Variants in DLC1 observed in about 807,000 individuals in gnomAD.
DLC1 encodes the protein DLC1 Rho GTPase activating protein.
DLC1 carries 54 observed loss-of-function variants against 140.3 expected under a neutral mutation model. The observed-to-expected ratio is 0.38, with a 90% CI of 0.31 to 0.48. The LOEUF is 0.48. Ranked by LOEUF, DLC1 falls within the 20% of genes least tolerant of loss-of-function variation. The probability of loss-of-function intolerance (pLI) is 0.96; values close to 1 mark genes in which losing one functional copy is unlikely to be tolerated. For synonymous variants in DLC1, 986 were observed against 728.1 expected (o/e 1.35, Z -5.70); for missense variants, 2,536 against 1,907.0 (o/e 1.33, Z -6.14).
intron 5 of DLC1, among the ~76,000 whole-genome samples, chr8:13,155,898 T>G (rs1824215045): frequency 6.6e-6 from 1 of 152,168 alleles, no homozygotes; most frequent in Admixed American, 6.5e-5. Context: ...TTTATAAGAG[T>G]GAAATATTTT....
intron 4 of DLC1, among the ~76,000 whole-genome samples, chr8:13,330,647 T>A (rs1046788127): frequency 3.3e-5 from 5 of 152,214 alleles, no homozygotes; most frequent in African/African-American, 1.2e-4. Context: ...GGTCTCTGCA[T>A]CATGTTTCAA....
chr8:13,437,298 C>T (rs1269250484), intron 2 of DLC1, among the ~76,000 whole-genome samples: 2 of 152,204 alleles, frequency 1.3e-5, no homozygotes, highest in Admixed American at 1.3e-4. Flanking sequence ...GCCTGATTTT[C>T]ACTAGACATG....
At chr8:13,199,105 C>G (rs1164143561) in intron 5 of DLC1, among the ~76,000 whole-genome samples, 1 of 151,552 alleles carries the variant, frequency 6.6e-6, no homozygotes, top group Non-Finnish European at 1.5e-5. Context: ...ATAATCTCAT[C>G]TCAATTCACT....
Position 13,315,206 on chromosome 8 carries a change from G to T in DLC1, c.1315-9904C>A, listed in dbSNP as rs571739252. ...GAGGCAGAAGGATCCCTTGAGCCCA[G>T]GCGTTCGAGACCAGCATGAACAAGA... On this transcript the variant is annotated intron_variant, in intron 4 of 17. Coordinates refer to ENST00000276297, the MANE Select transcript of DLC1 (RefSeq NM_182643.3). Among the ~76,000 whole-genome samples the T allele has an allele frequency of 3.3e-5, 5 of 152,260 alleles. No homozygotes were observed. In the East Asian group the frequency reaches 9.7e-4, roughly 29 times the overall value.
At chr8:13,275,892 C>A (rs1418719389) in intron 5 of DLC1, among the ~76,000 whole-genome samples, 2 of 152,096 alleles carry the variant, frequency 1.3e-5, no homozygotes, top group African/African-American at 4.8e-5. Flanking sequence ...AAAGCTGACC[C>A]GAGACAGCCC....
intron 1 of DLC1, chr8:13,566,859 C>T: frequency 1.7e-6 from 2 of 1,177,622 alleles, no homozygotes; most frequent in African/African-American, 3.1e-5. Flanking sequence ...GCTGGGAAGG[C>T]GTCTCCCGGA....
intron 2 of DLC1, among the ~76,000 whole-genome samples, chr8:13,406,519 T>G (rs533221377): frequency 9.2e-5 from 14 of 152,326 alleles, no homozygotes; most frequent in African/African-American, 3.4e-4. Context: ...AGCAGTGTCT[T>G]TATTCCATGA....
chr8:13,524,277 A>C (rs1802852328), intron 1 of DLC1, among the ~76,000 whole-genome samples: 1 of 151,816 alleles, frequency 6.6e-6, no homozygotes, highest in South Asian at 2.1e-4. Context: ...AGCTGGGATT[A>C]CAGGTACCCA....
At chr8:13,167,289 A>G (rs1002379771) in intron 5 of DLC1, among the ~76,000 whole-genome samples, 1 of 152,110 alleles carries the variant, frequency 6.6e-6, no homozygotes, top group Admixed American at 6.5e-5. Flanking sequence ...TATGTTCTTA[A>G]GTCTAACTGC....
intron 5 of DLC1, among the ~76,000 whole-genome samples, chr8:13,179,682 C>G (rs982184451): frequency 1.3e-5 from 2 of 152,020 alleles, no homozygotes; most frequent in African/African-American, 4.8e-5. Flanking sequence ...GATTATACCA[C>G]TGCATTCCAG....
intron 1 of DLC1, among the ~76,000 whole-genome samples, chr8:13,527,687 G>A (rs1363468699): frequency 6.6e-6 from 1 of 152,078 alleles, no homozygotes; most frequent in Non-Finnish European, 1.5e-5. Context: ...GGAAAAGAAT[G>A]AATATTATAT....
At chr8:13,535,080 T>C (rs1803230545) in intron 1 of DLC1, among the ~76,000 whole-genome samples, 1 of 152,162 alleles carries the variant, frequency 6.6e-6, no homozygotes, top group African/African-American at 2.4e-5. Context: ...TGATCACAGA[T>C]CAAAAATGAG....
chr8:13,485,857 T>G lies in DLC1; in HGVS notation c.1023+13192A>C, dbSNP rs573842875. On this transcript the variant is annotated intron_variant, in intron 2 of 17. Transcript: ENST00000276297. ...ATGCACAACTTAGCATGCTTTTTGT[T>G]TCTAGTCTAAGCAGAATTTTAAGCA... Among the ~76,000 whole-genome samples the G allele has an allele frequency of 3.2e-4, 48 of 152,312 alleles. No homozygotes were observed. In the South Asian group the frequency reaches 9.1e-3, roughly 29 times the overall value.
chr8:13,296,700 C>T (rs1193486404), intron 5 of DLC1, among the ~76,000 whole-genome samples: 4 of 151,842 alleles, frequency 2.6e-5, no homozygotes, highest in South Asian at 2.1e-4. Flanking sequence ...TGACAAAAAA[C>T]GAAATGGGAG....
In DLC1 at chr8:13,500,197, C is replaced by G; in HGVS notation, c.-125-1G>C. 1 of 858,792 alleles carries G rather than the reference C, an allele frequency of 1.2e-6. No individual in the cohort carries two copies. Among genetic ancestry groups the G allele is most frequent in the Non-Finnish European group, 1.7e-6 (1 of 577,940 alleles). 53.2% of individuals were successfully genotyped at this position (858,792 alleles called of 1,614,324 possible). ...CGAATGAGTTCTGTCATTTCACCAC[C>G]TATTAAAAAATTCAAAAAAATATGT... On this transcript the variant is annotated splice_acceptor_variant, in intron 1 of 17. Coordinates refer to ENST00000276297, the MANE Select transcript of DLC1 (RefSeq NM_182643.3). LOFTEE classifies it low-confidence loss of function (5UTR_SPLICE).
chr8:13,416,699 A>G (rs1026898875), intron 2 of DLC1, among the ~76,000 whole-genome samples: 3 of 152,202 alleles, frequency 2.0e-5, no homozygotes, highest in African/African-American at 7.2e-5. Context: ...TTGTCATCTT[A>G]TACTTTGTAT....
chr8:13,270,252 A>C (rs1830876131), intron 5 of DLC1, among the ~76,000 whole-genome samples: 2 of 152,306 alleles, frequency 1.3e-5, no homozygotes, highest in Middle Eastern at 3.4e-3. Flanking sequence ...GATTTTGGAC[A>C]TATCTAGGTA....
In DLC1 at chr8:13,456,772, C is replaced by T. The variant is rs1042841111; in HGVS notation, c.1023+42277G>A. Among the ~76,000 whole-genome samples the T allele has an allele frequency of 8.5e-5, 13 of 152,094 alleles. 1 individual carries two copies. The highest frequency in any genetic ancestry group is 2.9e-5 in the Non-Finnish European group (2 of 67,988). On this transcript the variant is annotated intron_variant, in intron 2 of 17. Transcript: ENST00000276297. ...CCGTGCCCCCCTCCATAATATACTG[C>T]TTTGCAGGGCCTTTGGTTTGAATGC...
chr8:13,153,446 G>A (rs1241649529), intron 5 of DLC1, among the ~76,000 whole-genome samples: 1 of 152,220 alleles, frequency 6.6e-6, no homozygotes, highest in Non-Finnish European at 1.5e-5. Context: ...GCAGCAGCAA[G>A]ATTTAATGCA....
Sources: gnomAD v4.1 joint callset for allele counts (sites outside exome capture counted in the v4.1 genomes callset) on GRCh38, gnomAD v4.1.1 for gene constraint, MANE v1.5 for transcripts, NCBI Gene and HGNC (gene_info 2026-07-23, HGNC 2026-07-21) for gene names.